RNF180: variants seen among roughly 807,000 people sequenced by gnomAD.
RNF180 encodes E3 ubiquitin-protein ligase RNF180.
In RNF180, 38 loss-of-function variants were observed where a neutral mutation model predicts 59.2. The ratio of observed to expected loss-of-function variants is 0.64; its 90% CI spans 0.50 to 0.84. RNF180 has a LOEUF of 0.84. Ranked by LOEUF, RNF180 falls within the 40% of genes least tolerant of loss-of-function variation. The pLI is 0.00. For synonymous variants in RNF180, 262 were observed against 240.3 expected (o/e 1.09, Z -0.84); for missense variants, 705 against 700.9 (o/e 1.01, Z -0.07).
intron 7 of RNF180, among the ~76,000 whole-genome samples, chr5:64,334,339 AT>A (rs1314380604): frequency 1.3e-5 from 2 of 152,234 alleles, no homozygotes; most frequent in Admixed American, 6.5e-5. Context: ...AAAAGTGTAT[AT>A]GCAGCCAGGG....
chr5:64,322,759 A>C (rs112556291), intron 5 of RNF180, among the ~76,000 whole-genome samples: 3 of 152,184 alleles, frequency 2.0e-5, no homozygotes, highest in African/African-American at 7.2e-5. Flanking sequence ...CAAACATTGT[A>C]TGTTCTCACT....
intron 5 of RNF180, among the ~76,000 whole-genome samples, chr5:64,322,218 G>A (rs1426023388): frequency 6.6e-6 from 1 of 151,918 alleles, no homozygotes; most frequent in African/African-American, 2.4e-5. Context: ...AGAGTAAACA[G>A]GCAAGCTACA....
chr5:64,369,868 G>A lies in RNF180; in HGVS notation c.*54G>A, dbSNP rs892302260. 1.8e-5 allele frequency: 18 copies of A among 993,148 alleles called. No individual in the cohort carries two copies. The highest frequency in any genetic ancestry group is 2.9e-5 in the South Asian group (1 of 34,714). 61.5% of individuals were successfully genotyped at this position (993,148 alleles called of 1,614,324 possible). A position where few individuals can be genotyped will look rare whatever the true frequency, so the allele number is the denominator to read the frequency against. ...ATCATAAATGATGTAAATAACAATT[G>A]CTTAAACATTTTTAAATGTGCTTTG... On this transcript the variant is annotated 3_prime_UTR_variant, in exon 8 of 8. Transcript: ENST00000389100.
In RNF180 at chr5:64,232,579, C is replaced by G. The variant is rs542189834; in HGVS notation, c.1227+15183C>G. ...GGAGAATATTTCCTCCTTTATGTTA[C>G]TAGACTAATGTCTGTCAAAAGTCAT... On this transcript the variant is annotated intron_variant, in intron 5 of 7. Transcript: ENST00000389100. Among the ~76,000 whole-genome samples the G allele has an allele frequency of 3.3e-5, 5 of 152,230 alleles. No homozygotes were observed. The South Asian group carries it at 1.0e-3, about 32-fold the overall frequency.
chr5:64,336,694 A>G (rs1745139478), intron 7 of RNF180, among the ~76,000 whole-genome samples: 1 of 152,200 alleles, frequency 6.6e-6, no homozygotes, highest in South Asian at 2.1e-4. Flanking sequence ...GTCATTTTAA[A>G]TATTAGCCTT....
At chr5:64,211,735 A>G (rs762055710) in intron 2 of RNF180, among the ~76,000 whole-genome samples, 8 of 152,192 alleles carry the variant, frequency 5.3e-5, no homozygotes, top group Non-Finnish European at 1.2e-4. Flanking sequence ...GAAAGTTGCC[A>G]TGAAAGACAC....
intron 5 of RNF180, among the ~76,000 whole-genome samples, chr5:64,323,562 TATA>T (rs1437315939): frequency 6.6e-6 from 1 of 150,980 alleles, no homozygotes; most frequent in African/African-American, 2.5e-5. Context: ...AATAATAGAA[TATA>T]ATAACAGTAA....
intron 5 of RNF180, among the ~76,000 whole-genome samples, chr5:64,317,081 T>A (rs1343161327): frequency 1.3e-5 from 2 of 152,168 alleles, no homozygotes; most frequent in East Asian, 1.9e-4. Flanking sequence ...ACTATATTTA[T>A]TGAAAAAAAT....
At chr5:64,321,123 C>T (rs1744324891) in intron 5 of RNF180, among the ~76,000 whole-genome samples, 1 of 152,044 alleles carries the variant, frequency 6.6e-6, no homozygotes, top group Non-Finnish European at 1.5e-5. Context: ...AGGATGCCCT[C>T]CTCTCACCAC....
At chr5:64,363,224 T>A (rs1192736266) in intron 7 of RNF180, among the ~76,000 whole-genome samples, 1 of 151,898 alleles carries the variant, frequency 6.6e-6, no homozygotes, top group African/African-American at 2.4e-5. Context: ...TTTTATGGTT[T>A]TGGGTTTTAC....
intron 5 of RNF180, among the ~76,000 whole-genome samples, chr5:64,299,589 A>G (rs550839052): frequency 6.6e-6 from 1 of 152,100 alleles, no homozygotes; most frequent in Admixed American, 6.6e-5. Context: ...CTGATTCTTA[A>G]CAAGAGGTAT....
chr5:64,333,220 C>T (rs1307176192), intron 7 of RNF180, among the ~76,000 whole-genome samples: 3 of 152,068 alleles, frequency 2.0e-5, no homozygotes, highest in African/African-American at 7.2e-5. Flanking sequence ...CTCTATCGCC[C>T]AGGCTAGAGT....
chr5:64,328,443 A>G (rs530476762), intron 6 of RNF180, among the ~76,000 whole-genome samples: 157 of 152,358 alleles, frequency 1.0e-3, no homozygotes, highest in African/African-American at 3.7e-3. Flanking sequence ...TAAAACAGCT[A>G]TGCATTGCTG....
In RNF180 at chr5:64,362,076, TATTG is replaced by T. The variant is rs949126916; in HGVS notation, c.1580-7535_1580-7532del. ...TTTTTAATTAAACTTAAATTTAATT[TATTG>T]ATTAAAATAATTTTTTAACTTTTAG... On this transcript the variant is annotated intron_variant, in intron 7 of 7. Transcript: ENST00000389100. Among the ~76,000 whole-genome samples the T allele has an allele frequency of 4.0e-5, 6 of 151,576 alleles. 1 individual carries two copies. The Admixed American group carries it at 4.0e-4, about 10-fold the overall frequency.
intron 1 of RNF180, among the ~76,000 whole-genome samples, chr5:64,170,271 A>T (rs1021447902): frequency 6.6e-6 from 1 of 152,218 alleles, no homozygotes; most frequent in African/African-American, 2.4e-5. Flanking sequence ...AATAAACTCT[A>T]TTCAGGCTTT....
chr5:64,355,277 T>G (rs898435746), intron 7 of RNF180, among the ~76,000 whole-genome samples: 1 of 151,834 alleles, frequency 6.6e-6, no homozygotes, highest in Non-Finnish European at 1.5e-5. Context: ...ACACTAGGAA[T>G]GAACAATCCA....
At position 64,178,303 on chromosome 5, in the gene RNF180, C is replaced by T. The variant is rs138972571; in HGVS notation, c.-1+12350C>T. 2.3e-4 allele frequency among the ~76,000 whole-genome samples: 35 copies of T among 152,194 alleles called. No homozygotes were observed. The East Asian group carries it at 5.0e-3, about 22-fold the overall frequency. On this transcript the variant is annotated intron_variant, in intron 1 of 7. Transcript: ENST00000389100. ...AGAGGGAATATATATACCCCAGCCT[C>T]ACGCTTTTCCAGTCCTTTGATCTCC...
At chr5:64,228,358 T>C (rs914936843) in intron 5 of RNF180, among the ~76,000 whole-genome samples, 2 of 151,864 alleles carry the variant, frequency 1.3e-5, no homozygotes, top group African/African-American at 4.8e-5. Context: ...CTACAAAAAA[T>C]GTATACTTAG....
intron 5 of RNF180, among the ~76,000 whole-genome samples, chr5:64,266,405 T>C (rs1580143852): frequency 3.5e-5 from 3 of 85,132 alleles, no homozygotes; most frequent in South Asian, 2.9e-4. Flanking sequence ...ATAATAGTTA[T>C]AATATACAGG....
Sources: allele counts gnomAD v4.1 joint callset (sites outside exome capture counted in the v4.1 genomes callset), GRCh38; gene constraint gnomAD v4.1.1; transcripts MANE v1.5; gene names NCBI Gene and HGNC (gene_info 2026-07-23, HGNC 2026-07-21).